The following NEDD8 variants were observed in gnomAD, a reference collection of about 807,000 sequenced individuals.
NEDD8 encodes NEDD8 ubiquitin like modifier.
A neutral mutation model predicts 13.8 loss-of-function variants in NEDD8; 1 was observed. The observed-to-expected ratio is 0.07, with a 90% CI of 0.03 to 0.34. The LOEUF is 0.34. NEDD8 is among the 10% of genes least tolerant of loss of function. The pLI, the probability that NEDD8 is intolerant of heterozygous loss-of-function variation, is 0.99. For missense variants in NEDD8, 10 were observed against 95.2 expected, an observed-to-expected ratio of 0.10 and a Z score of 3.73; for synonymous variants, 31 against 33.2, an observed-to-expected ratio of 0.93 and a Z score of 0.23.
At position 24,218,841 on chromosome 14, in the gene NEDD8, G is replaced by A. The variant is rs548766791; in HGVS notation, c.19-410C>T. 3 of 228,248 alleles carry A rather than the reference G, an allele frequency of 1.3e-5. No individual in the cohort carries two copies. In the South Asian group the frequency reaches 1.7e-4, roughly 13 times the overall value. 14.1% of individuals were successfully genotyped at this position (228,248 alleles called of 1,614,324 possible). On this transcript the variant is annotated intron_variant, in intron 1 of 3. Transcript: ENST00000250495. ...GGCTCACTGCAACTTCTGCCTCCCA[G>A]GTTCAACCAATTCTCCTGCCTCAGC...
At chr14:24,220,831 C>G (rs1259127125) in intron 1 of NEDD8, among the ~76,000 whole-genome samples, 1 of 152,220 alleles carries the variant, frequency 6.6e-6, no homozygotes, top group Admixed American at 6.5e-5. Context: ...TATTTCTGTA[C>G]TCCGTCCTAC....
chr14:24,220,126 C>T (rs1409891934), intron 1 of NEDD8, among the ~76,000 whole-genome samples: 1 of 152,188 alleles, frequency 6.6e-6, no homozygotes. Flanking sequence ...TATAAAACCT[C>T]CTGTATGATG....
intron 3 of NEDD8, 143 bp from the exon 4 acceptor site, chr14:24,217,366 T>G (rs983646671): frequency 1.5e-4 from 98 of 649,058 alleles, no homozygotes; most frequent in Middle Eastern, 8.6e-4. Context: ...CTCAGCTCAC[T>G]GCAACTTCCA....
chr14:24,225,916 C>T (rs1339800729), intron 1 of NEDD8, among the ~76,000 whole-genome samples: 3 of 151,874 alleles, frequency 2.0e-5, no homozygotes, highest in Non-Finnish European at 4.4e-5. Flanking sequence ...TGGCACGCAC[C>T]TGTATCCCAG....
At chr14:24,223,541 A>T (rs1421000002) in intron 1 of NEDD8, among the ~76,000 whole-genome samples, 3 of 152,006 alleles carry the variant, frequency 2.0e-5, no homozygotes, top group African/African-American at 7.2e-5. Context: ...AAAGTTTTTT[A>T]TATTTATTTA....
At chr14:24,231,024 G>A (rs1261030215) in intron 1 of NEDD8, among the ~76,000 whole-genome samples, 2 of 152,020 alleles carry the variant, frequency 1.3e-5, no homozygotes, top group African/African-American at 4.8e-5. Context: ...CGAATAGCTG[G>A]GCCTACAGGC....
At chr14:24,223,084 T>TC (rs2039833130) in intron 1 of NEDD8, among the ~76,000 whole-genome samples, 1 of 58,060 alleles carries the variant, frequency 1.7e-5, no homozygotes, top group Non-Finnish European at 4.2e-5. Context: ...AGACTGCATT[T>TC]CAAAAAAAAA....
chr14:24,223,328 GAGTTCAATGCCGT>G (rs962943211), intron 1 of NEDD8, among the ~76,000 whole-genome samples: 2 of 151,952 alleles, frequency 1.3e-5, no homozygotes, highest in African/African-American at 4.8e-5. Flanking sequence ...CCAAGCCCAG[GAGTTCAATGCCGT>G]AGTGGGCTGA....
Position 24,218,272 on chromosome 14 carries a change from A to G in NEDD8, c.67-57T>C. The G allele has an allele frequency of 1.9e-6, 3 of 1,613,926 alleles. 1 individual carries two copies. In the South Asian group the frequency reaches 3.3e-5, roughly 18 times the overall value. On this transcript the variant is annotated intron_variant, in intron 2 of 3. Transcript: ENST00000250495. ...CTTAGGGGTAGGACCATGGAAACGG[A>G]AAGAACAAGGGCTATGCAGACAGCA...
intron 1 of NEDD8, among the ~76,000 whole-genome samples, chr14:24,220,667 T>C (rs1174937207): frequency 6.6e-6 from 1 of 152,236 alleles, no homozygotes; most frequent in Non-Finnish European, 1.5e-5. Context: ...GCATCTTACA[T>C]GCATCACATT....
In NEDD8 at chr14:24,232,246, C is replaced by T. The variant is rs772979559; in HGVS notation, c.18+4G>A. 5.6e-6 allele frequency: 9 copies of T among 1,614,136 alleles called. No homozygotes were observed. Among genetic ancestry groups the T allele is most frequent in the Non-Finnish European group, 7.6e-6 (9 of 1,180,010 alleles). ...CGTCTTGGCAAGGCTGGAGGTGCTC[C>T]CACCTTCACTTTAATTAGCATCTTC... On this transcript the variant is annotated splice_donor_region_variant and intron_variant, in intron 1 of 3. Coordinates refer to ENST00000250495, the MANE Select transcript of NEDD8 (RefSeq NM_006156.3).
intron 1 of NEDD8, among the ~76,000 whole-genome samples, chr14:24,223,892 G>A (rs929516757): frequency 6.6e-5 from 10 of 151,616 alleles, no homozygotes; most frequent in Admixed American, 4.6e-4. Flanking sequence ...GTGTCACTAC[G>A]CCTGGCTAAT....
chr14:24,225,673 C>T (rs1002016226), intron 1 of NEDD8, among the ~76,000 whole-genome samples: 1 of 152,148 alleles, frequency 6.6e-6, no homozygotes, highest in Non-Finnish European at 1.5e-5. Flanking sequence ...AGCAGTTGAA[C>T]AATTTTAGAA....
chr14:24,230,646 T>C (rs368232602), intron 1 of NEDD8, among the ~76,000 whole-genome samples: 3 of 150,080 alleles, frequency 2.0e-5, no homozygotes, highest in South Asian at 2.1e-4. Flanking sequence ...GAGATGGAGT[T>C]TCACTCTTGT....
At chr14:24,230,831 T>C (rs900788309) in intron 1 of NEDD8, among the ~76,000 whole-genome samples, 12 of 152,070 alleles carry the variant, frequency 7.9e-5, no homozygotes, top group Non-Finnish European at 1.6e-4. Flanking sequence ...TTGGCCAGGC[T>C]GGTCTTGAAC....
intron 1 of NEDD8, chr14:24,226,612 G>A (rs1295660110): frequency 1.3e-5 from 2 of 152,044 alleles, no homozygotes; most frequent in Admixed American, 1.3e-4. Context: ...TATAACACTA[G>A]ATATAGTGTT....
intron 1 of NEDD8, among the ~76,000 whole-genome samples, chr14:24,230,024 T>G (rs1361705167): frequency 1.3e-5 from 2 of 150,074 alleles, no homozygotes; most frequent in African/African-American, 2.4e-5. Flanking sequence ...GAGCCGACAT[T>G]GCGCCACTGC....
chr14:24,218,640 C>G (rs1188809163), intron 1 of NEDD8: 1 of 646,680 alleles, frequency 1.5e-6, no homozygotes, highest in Non-Finnish European at 2.7e-6. Flanking sequence ...GGGCAAGATT[C>G]TTTGAACCAT....
At chr14:24,231,254 T>A (rs948996465) in intron 1 of NEDD8, among the ~76,000 whole-genome samples, 2 of 152,066 alleles carry the variant, frequency 1.3e-5, no homozygotes, top group Non-Finnish European at 2.9e-5. Flanking sequence ...ACGACTCTTA[T>A]ATAGGCCGCT....
Sources: allele counts gnomAD v4.1 joint callset (sites outside exome capture counted in the v4.1 genomes callset), GRCh38; gene constraint gnomAD v4.1.1; transcripts MANE v1.5; gene names NCBI Gene and HGNC (gene_info 2026-07-23, HGNC 2026-07-21).